The following FARS2 variants were observed in gnomAD, a reference collection of about 807,000 sequenced individuals.
The protein encoded by FARS2 is phenylalanine--tRNA ligase, mitochondrial.
FARS2 carries 40 observed loss-of-function variants against 46.4 expected under a neutral mutation model. The observed-to-expected ratio is 0.86, with a 90% CI of 0.67 to 1.12. The LOEUF (loss-of-function observed/expected upper bound fraction) is 1.12. Ranked by LOEUF, FARS2 falls within the 50% of genes most tolerant of loss-of-function variation. The probability of loss-of-function intolerance (pLI) is 0.00; values close to 1 mark genes in which losing one functional copy is unlikely to be tolerated. For synonymous variants in FARS2, 234 were observed against 214.9 expected (o/e 1.09, Z -0.78); for missense variants, 513 against 567.9 (o/e 0.90, Z 0.98).
At chr6:5,575,832 T>C (rs1772930141) in intron 5 of FARS2, among the ~76,000 whole-genome samples, 1 of 152,184 alleles carries the variant, frequency 6.6e-6, no homozygotes, top group South Asian at 2.1e-4. Flanking sequence ...TAAAATTCTA[T>C]TTTGTTCTGT....
At chr6:5,672,415 C>T (rs781582162) in intron 6 of FARS2, among the ~76,000 whole-genome samples, 35 of 152,154 alleles carry the variant, frequency 2.3e-4, no homozygotes, top group Non-Finnish European at 4.6e-4. Flanking sequence ...CAGTTGCTTC[C>T]GTTGGGTCCA....
At chr6:5,591,442 G>T (rs1197258569) in intron 5 of FARS2, among the ~76,000 whole-genome samples, 1 of 152,232 alleles carries the variant, frequency 6.6e-6, no homozygotes, top group African/African-American at 2.4e-5. Flanking sequence ...CTGTGGGGAA[G>T]ATCACAGAAA....
At chr6:5,274,232 TCTTC>T (rs1002334276) in intron 1 of FARS2, among the ~76,000 whole-genome samples, 5 of 152,214 alleles carry the variant, frequency 3.3e-5, no homozygotes, top group African/African-American at 1.2e-4. Flanking sequence ...CAACCGTACT[TCTTC>T]CCGGCCATTA....
At chr6:5,547,322 G>A (rs1269231292) in intron 5 of FARS2, among the ~76,000 whole-genome samples, 3 of 151,296 alleles carry the variant, frequency 2.0e-5, no homozygotes, top group Non-Finnish European at 4.4e-5. Context: ...CTTTTGTTGT[G>A]GTTGTTTTCC....
At chr6:5,685,080 C>G (rs1182688030) in intron 6 of FARS2, among the ~76,000 whole-genome samples, 1 of 152,162 alleles carries the variant, frequency 6.6e-6, no homozygotes, top group Non-Finnish European at 1.5e-5. Context: ...GGGGTTGTCA[C>G]TTGGAGGCAG....
At chr6:5,530,123 G>A (rs1052787437) in intron 4 of FARS2, among the ~76,000 whole-genome samples, 5 of 152,146 alleles carry the variant, frequency 3.3e-5, no homozygotes, top group African/African-American at 1.2e-4. Context: ...ATGATCTAGA[G>A]GAGCTCTGAA....
intron 6 of FARS2, among the ~76,000 whole-genome samples, chr6:5,681,108 T>A (rs1310522596): frequency 2.0e-5 from 3 of 152,232 alleles, no homozygotes; most frequent in Non-Finnish European, 4.4e-5. Flanking sequence ...GATCTGGTAA[T>A]TCTGCTTCTT....
chr6:5,267,720 C>G (rs1231014171), intron 1 of FARS2, among the ~76,000 whole-genome samples: 1 of 149,384 alleles, frequency 6.7e-6, no homozygotes, highest in Non-Finnish European at 1.5e-5. Context: ...CACCACTGCA[C>G]TCCAGCTTGG....
At chr6:5,381,406 T>TACACACAC (rs773053847) in intron 2 of FARS2, among the ~76,000 whole-genome samples, 128 of 115,404 alleles carry the variant, frequency 1.1e-3, no homozygotes, top group African/African-American at 4.6e-3. Flanking sequence ...CACACACACA[T>TACACACAC]ACACACACAC....
intron 1 of FARS2, among the ~76,000 whole-genome samples, chr6:5,331,325 T>C (rs1403357725): frequency 2.0e-5 from 3 of 152,192 alleles, no homozygotes; most frequent in Non-Finnish European, 2.9e-5. Context: ...GCTATGTGTT[T>C]AGATCTTCAT....
At chr6:5,692,428 A>G (rs1433437217) in intron 6 of FARS2, among the ~76,000 whole-genome samples, 1 of 152,104 alleles carries the variant, frequency 6.6e-6, no homozygotes, top group Non-Finnish European at 1.5e-5. Flanking sequence ...GGCAAACCAT[A>G]TATTCACTGC....
chr6:5,752,730 G>C (rs1445436613), intron 6 of FARS2, among the ~76,000 whole-genome samples: 1 of 152,200 alleles, frequency 6.6e-6, no homozygotes, highest in Admixed American at 6.5e-5. Flanking sequence ...GCCAGAGAGA[G>C]ATCTTAGTGG....
intron 6 of FARS2, among the ~76,000 whole-genome samples, chr6:5,673,237 C>T (rs949704387): frequency 3.9e-5 from 6 of 152,334 alleles, no homozygotes; most frequent in East Asian, 3.9e-4. Context: ...TCAGTTTCCA[C>T]GTTTGCGCCT....
At chr6:5,387,468 A>AGTTG (rs1462321501) in intron 2 of FARS2, among the ~76,000 whole-genome samples, 1 of 152,246 alleles carries the variant, frequency 6.6e-6, no homozygotes, top group Non-Finnish European at 1.5e-5. Flanking sequence ...AGTAAAGAAG[A>AGTTG]GGACAAAGCC....
chr6:5,353,507 G>T (rs1228134996), intron 1 of FARS2, among the ~76,000 whole-genome samples: 2 of 151,988 alleles, frequency 1.3e-5, no homozygotes, highest in African/African-American at 4.8e-5. Flanking sequence ...GTATTAATTT[G>T]CATTCCCACC....
chr6:5,760,571 T>C (rs1324309618), intron 6 of FARS2, among the ~76,000 whole-genome samples: 1 of 152,220 alleles, frequency 6.6e-6, no homozygotes, highest in East Asian at 1.9e-4. Context: ...TTCTTAATGA[T>C]GGATTTTTGG....
chr6:5,374,946 A>G (rs1759284230), intron 2 of FARS2, among the ~76,000 whole-genome samples: 1 of 152,104 alleles, frequency 6.6e-6, no homozygotes. Flanking sequence ...CCTTGACTTT[A>G]CAAATGAAAT....
chr6:5,442,644 G>T (rs1376956972), intron 4 of FARS2, among the ~76,000 whole-genome samples: 2 of 152,056 alleles, frequency 1.3e-5, no homozygotes, highest in Non-Finnish European at 2.9e-5. Context: ...TGACTTTCAA[G>T]CATTTACCCT....
At position 5,302,821 on chromosome 6, in the gene FARS2, G is replaced by A. The variant is rs80099511; in HGVS notation, c.-22+41161G>A. Among the ~76,000 whole-genome samples, 685 of 152,178 alleles carry A rather than the reference G, an allele frequency of 4.5e-3. 3 individuals carry two copies. Among genetic ancestry groups the A allele is most frequent in the African/African-American group, 0.016 (656 of 41,498 alleles). ...GCAGTGGAGTGGTTCCAGAAGGCAC[G>A]CTGAGTTCAGGACTGAGATCAGCAT... On this transcript the variant is annotated intron_variant, in intron 1 of 6. Coordinates refer to ENST00000274680, the MANE Select transcript of FARS2 (RefSeq NM_006567.5).
Sources: allele counts gnomAD v4.1 joint callset (sites outside exome capture counted in the v4.1 genomes callset), GRCh38; gene constraint gnomAD v4.1.1; transcripts MANE v1.5; gene names NCBI Gene and HGNC (gene_info 2026-07-23, HGNC 2026-07-21).